PLCL1: variants seen among roughly 807,000 people sequenced by gnomAD.
PLCL1 encodes the protein inactive phospholipase C-like protein 1.
A neutral mutation model predicts 84.4 loss-of-function variants in PLCL1; 41 were observed. The observed-to-expected ratio is 0.49, with a 90% CI of 0.38 to 0.63. The LOEUF (loss-of-function observed/expected upper bound fraction) is 0.63. Ranked by LOEUF, PLCL1 falls within the 30% of genes least tolerant of loss-of-function variation. The pLI, the probability that PLCL1 is intolerant of heterozygous loss-of-function variation, is 0.00. For missense variants in PLCL1, 1,206 were observed against 1,367.8 expected (o/e 0.88, Z 1.87); for synonymous variants, 490 against 488.3 (o/e 1.00, Z -0.05).
intron 1 of PLCL1, among the ~76,000 whole-genome samples, chr2:197,961,595 G>A (rs1263356574): frequency 6.6e-6 from 1 of 151,414 alleles, no homozygotes; most frequent in African/African-American, 2.4e-5. Flanking sequence ...GACTATAGCT[G>A]CTGGAGGATT....
At chr2:198,009,566 A>G (rs1198969107) in intron 1 of PLCL1, among the ~76,000 whole-genome samples, 3 of 151,860 alleles carry the variant, frequency 2.0e-5, no homozygotes, top group Non-Finnish European at 4.4e-5. Context: ...AGGCCATACC[A>G]CACTGTCTTA....
At chr2:198,005,400 G>A (rs1690705341) in intron 1 of PLCL1, among the ~76,000 whole-genome samples, 1 of 152,254 alleles carries the variant, frequency 6.6e-6, no homozygotes, top group Admixed American at 6.5e-5. Flanking sequence ...GCAAAGGAAA[G>A]TTCTCTTTGA....
intron 1 of PLCL1, among the ~76,000 whole-genome samples, chr2:197,831,214 C>G (rs1220754714): frequency 6.6e-6 from 1 of 152,098 alleles, no homozygotes; most frequent in African/African-American, 2.4e-5. Flanking sequence ...TTAAAAGACA[C>G]AGATTGGCAA....
chr2:198,089,362 G>A (rs1692963547), intron 3 of PLCL1, among the ~76,000 whole-genome samples: 1 of 152,206 alleles, frequency 6.6e-6, no homozygotes, highest in Non-Finnish European at 1.5e-5. Context: ...ACTTTAGAGT[G>A]CAATATAACC....
chr2:197,948,076 G>T (rs1689316759), intron 1 of PLCL1, among the ~76,000 whole-genome samples: 1 of 152,110 alleles, frequency 6.6e-6, no homozygotes, highest in South Asian at 2.1e-4. Context: ...AGTGATGTTG[G>T]CTTATTTTAT....
intron 3 of PLCL1, among the ~76,000 whole-genome samples, chr2:198,100,608 C>G (rs752500506): frequency 1.2e-4 from 19 of 152,056 alleles, no homozygotes; most frequent in Admixed American, 2.0e-4. Flanking sequence ...TTACTTCATT[C>G]AGTAAGCAAG....
At chr2:197,806,147 C>A (rs1399409385) in intron 1 of PLCL1, among the ~76,000 whole-genome samples, 1 of 152,160 alleles carries the variant, frequency 6.6e-6, no homozygotes, top group Non-Finnish European at 1.5e-5. Context: ...TAGGAAAGAA[C>A]CCTCGCACAG....
chr2:198,067,319 G>A (rs183874085), intron 1 of PLCL1, among the ~76,000 whole-genome samples: 89 of 151,934 alleles, frequency 5.9e-4, no homozygotes, highest in African/African-American at 2.0e-3. Context: ...GTAGAGACAG[G>A]GTCTCACCAT....
chr2:198,120,383 T>A (rs1403564934), intron 5 of PLCL1, among the ~76,000 whole-genome samples: 1 of 152,042 alleles, frequency 6.6e-6, no homozygotes, highest in East Asian at 1.9e-4. Flanking sequence ...TTGACTATAG[T>A]CACTCTGTTG....
intron 1 of PLCL1, among the ~76,000 whole-genome samples, chr2:197,847,432 A>T (rs1271124160): frequency 6.6e-6 from 1 of 152,200 alleles, no homozygotes; most frequent in Admixed American, 6.5e-5. Flanking sequence ...TTATTTTCAT[A>T]GAGAGAATGG....
intron 1 of PLCL1, among the ~76,000 whole-genome samples, chr2:197,899,892 C>A (rs1417142086): frequency 6.6e-6 from 1 of 152,102 alleles, no homozygotes; most frequent in Non-Finnish European, 1.5e-5. Context: ...GCCTCGGCCT[C>A]CCAAAGTGCT....
chr2:198,059,118 T>A (rs1417454973), intron 1 of PLCL1, among the ~76,000 whole-genome samples: 1 of 152,142 alleles, frequency 6.6e-6, no homozygotes, highest in East Asian at 1.9e-4. Flanking sequence ...ATAAGCAGGT[T>A]CCCTATTCTG....
At chr2:197,983,256 C>A (rs1249231477) in intron 1 of PLCL1, among the ~76,000 whole-genome samples, 6 of 88,994 alleles carry the variant, frequency 6.7e-5, no homozygotes, top group Non-Finnish European at 1.1e-4. Context: ...GGGTCTTGCT[C>A]TGTTGCTGAG....
chr2:197,964,895 T>C (rs1233214105), intron 1 of PLCL1, among the ~76,000 whole-genome samples: 1 of 152,190 alleles, frequency 6.6e-6, no homozygotes, highest in East Asian at 1.9e-4. Flanking sequence ...TTAATTTGTG[T>C]GTGTTGAACC....
At chr2:198,005,796 C>T (rs1047064222) in intron 1 of PLCL1, among the ~76,000 whole-genome samples, 3 of 152,108 alleles carry the variant, frequency 2.0e-5, no homozygotes, top group South Asian at 2.1e-4. Flanking sequence ...CGTGGACAGC[C>T]GATATCACAA....
intron 1 of PLCL1, among the ~76,000 whole-genome samples, chr2:197,828,833 A>T (rs1287847629): frequency 6.6e-6 from 1 of 152,208 alleles, no homozygotes. Context: ...TCTTAAAACA[A>T]TTCCATAAAT....
At chr2:197,889,710 G>T (rs183753363) in intron 1 of PLCL1, among the ~76,000 whole-genome samples, 4 of 151,134 alleles carry the variant, frequency 2.6e-5, no homozygotes, top group African/African-American at 4.9e-5. Context: ...ATTTATTTCA[G>T]TTTTTTTTTC....
intron 1 of PLCL1, among the ~76,000 whole-genome samples, chr2:197,879,957 T>C (rs1687801225): frequency 6.6e-6 from 1 of 152,218 alleles, no homozygotes; most frequent in Non-Finnish European, 1.5e-5. Context: ...AGCTTGCCAG[T>C]GTGCTAACTT....
intron 1 of PLCL1, among the ~76,000 whole-genome samples, chr2:198,050,552 C>G (rs1691903019): frequency 6.6e-6 from 1 of 152,140 alleles, no homozygotes; most frequent in African/African-American, 2.4e-5. Context: ...ACACAACTTA[C>G]TAGAACTTTT....
Sources: allele counts gnomAD v4.1 joint callset (sites outside exome capture counted in the v4.1 genomes callset), GRCh38; gene constraint gnomAD v4.1.1; transcripts MANE v1.5; gene names NCBI Gene and HGNC (gene_info 2026-07-23, HGNC 2026-07-21).